The following PTPRD variants were observed in gnomAD, a reference collection of about 807,000 sequenced individuals.
The protein encoded by PTPRD is receptor-type tyrosine-protein phosphatase delta.
Under a neutral mutation model 214.5 loss-of-function variants are expected in PTPRD, and 34 were observed. The observed-to-expected ratio is 0.16, with a 90% confidence interval of 0.12 to 0.21. The LOEUF (loss-of-function observed/expected upper bound fraction) is 0.21, where lower values mean the gene tolerates loss of function less well. Ranked by LOEUF, PTPRD falls within the 10% of genes least tolerant of loss-of-function variation. The pLI is 1.00. For synonymous variants in PTPRD, 1,128 were observed against 845.7 expected (o/e 1.33, Z -5.79); for missense variants, 2,545 against 2,398.7 (o/e 1.06, Z -1.27).
At chr9:8,519,204 T>C (rs1158465945) in intron 20 of PTPRD, among the ~76,000 whole-genome samples, 1 of 152,178 alleles carries the variant, frequency 6.6e-6, no homozygotes, top group Non-Finnish European at 1.5e-5. Flanking sequence ...TTTTAAGGTA[T>C]GTTATGGTCA....
chr9:10,450,283 A>C (rs2098832114), intron 2 of PTPRD, among the ~76,000 whole-genome samples: 2 of 151,392 alleles, frequency 1.3e-5, no homozygotes, highest in South Asian at 4.2e-4. Flanking sequence ...AATAAAAATA[A>C]AAAACAAAAA....
At position 8,824,797 on chromosome 9, in the gene PTPRD, G is replaced by T. The variant is rs778709628; in HGVS notation, c.-103-90851C>A. Reference sequence around the variant, plus strand: ...CTGGTTGGTTCACAGGAATAAGCAGGGTTTGCTGAAATTGCAGAAATAAGC... The same window carrying T: ...CTGGTTGGTTCACAGGAATAAGCAGTGTTTGCTGAAATTGCAGAAATAAGC... On this transcript the variant is annotated intron_variant, in intron 11 of 45. Coordinates refer to ENST00000381196, the MANE Select transcript of PTPRD (RefSeq NM_002839.4). 2.0e-5 allele frequency among the ~76,000 whole-genome samples: 3 copies of T among 152,068 alleles called. No individual in the cohort carries two copies. The East Asian group carries it at 5.8e-4, about 29-fold the overall frequency.
intron 2 of PTPRD, among the ~76,000 whole-genome samples, chr9:10,428,104 C>T (rs1160761430): frequency 6.6e-6 from 1 of 151,908 alleles, no homozygotes; most frequent in Non-Finnish European, 1.5e-5. Context: ...CCATAAAGGT[C>T]AGGAGTTTGA....
chr9:8,933,065 C>A (rs931219695), intron 11 of PTPRD, among the ~76,000 whole-genome samples: 1 of 152,078 alleles, frequency 6.6e-6, no homozygotes, highest in African/African-American at 2.4e-5. Context: ...GTATCTGGAC[C>A]AGAGTGCACC....
chr9:8,928,556 G>A (rs2098920939), intron 11 of PTPRD, among the ~76,000 whole-genome samples: 1 of 150,604 alleles, frequency 6.6e-6, no homozygotes, highest in Admixed American at 6.6e-5. Context: ...TGGTCCGTTG[G>A]TCTATATCTC....
chr9:10,584,255 T>G (rs1007357366), intron 2 of PTPRD, among the ~76,000 whole-genome samples: 2 of 151,990 alleles, frequency 1.3e-5, no homozygotes, highest in South Asian at 4.1e-4. Flanking sequence ...TGAAAAAGCA[T>G]AAGCCTAGGA....
intron 5 of PTPRD, among the ~76,000 whole-genome samples, chr9:9,888,953 C>T (rs2072098797): frequency 6.6e-6 from 1 of 152,002 alleles, no homozygotes. Flanking sequence ...GGTATTAGCA[C>T]CCAAAAGTAT....
chr9:9,753,478 G>A (rs1189088848), intron 6 of PTPRD, among the ~76,000 whole-genome samples: 4 of 152,032 alleles, frequency 2.6e-5, no homozygotes, highest in African/African-American at 7.2e-5. Flanking sequence ...CTAATGTGGG[G>A]AGTGACTGTT....
At chr9:9,030,158 T>G (rs923012657) in intron 10 of PTPRD, among the ~76,000 whole-genome samples, 2 of 151,812 alleles carry the variant, frequency 1.3e-5, no homozygotes, top group African/African-American at 4.8e-5. Context: ...TGACATTTTA[T>G]TATTTAGCAT....
Position 9,574,797 on chromosome 9 carries a change from A to T in PTPRD, c.-286-16T>A, listed in dbSNP as rs684508. 6.6e-6 allele frequency: 1 copy of T among 151,848 alleles called. No homozygotes were observed. The highest frequency in any genetic ancestry group is 6.6e-5 in the Admixed American group (1 of 15,240). The allele number at this position is 151,848 out of a possible 1,614,324, so 9.4% of individuals were successfully genotyped here. A position where few individuals can be genotyped will look rare whatever the true frequency, so the allele number is the denominator to read the frequency against. ...ACCCTGAGACCTAGAAAAGTATAACACAAAACATTCTTTATTAGTACTAGT... is the reference window on the plus strand; with the variant it reads ...ACCCTGAGACCTAGAAAAGTATAACTCAAAACATTCTTTATTAGTACTAGT... On this transcript the variant is annotated splice_polypyrimidine_tract_variant and intron_variant, in intron 7 of 45. Coordinates refer to ENST00000381196, the MANE Select transcript of PTPRD (RefSeq NM_002839.4).
At chr9:8,454,580 C>G in intron 33 of PTPRD, 1 of 1,613,012 alleles carries the variant, frequency 6.2e-7, no homozygotes. Context: ...TATTCCTCAC[C>G]TGTCGGGTTT....
At chr9:8,772,975 G>C (rs1320295020) in intron 11 of PTPRD, among the ~76,000 whole-genome samples, 1 of 152,148 alleles carries the variant, frequency 6.6e-6, no homozygotes, top group Non-Finnish European at 1.5e-5. Context: ...TTAACCTAAA[G>C]TCAATTTTTC....
chr9:8,801,448 G>A (rs1408426414), intron 11 of PTPRD, among the ~76,000 whole-genome samples: 2 of 152,204 alleles, frequency 1.3e-5, no homozygotes, highest in African/African-American at 4.8e-5. Flanking sequence ...CAAGCACAGT[G>A]GCTCACGCCT....
Position 8,481,089 on chromosome 9 carries a change from G to C in PTPRD, c.3413+3030C>G, listed in dbSNP as rs889610719. On this transcript the variant is annotated intron_variant, in intron 30 of 45. Coordinates refer to ENST00000381196, the MANE Select transcript of PTPRD (RefSeq NM_002839.4). ...CAGAAGGCGGAGCTTGCAGTGAGCA[G>C]AGATGGCGCCACTGCACGCCGGCCT... Among the ~76,000 whole-genome samples the C allele has an allele frequency of 3.0e-5, 4 of 133,302 alleles. No individual in the cohort carries two copies. In the South Asian group the frequency reaches 9.6e-4, roughly 32 times the overall value. 87.5% of individuals were successfully genotyped at this position (133,302 alleles called of 152,430 possible). A position where few individuals can be genotyped will look rare whatever the true frequency, so the allele number is the denominator to read the frequency against.
At chr9:9,236,770 G>A (rs543405294) in intron 9 of PTPRD, among the ~76,000 whole-genome samples, 1 of 151,918 alleles carries the variant, frequency 6.6e-6, no homozygotes, top group African/African-American at 2.4e-5. Context: ...TGTGCAGGCA[G>A]CCAACCATAA....
rs201862987 is a variant in PTPRD at position 10,199,903 on chromosome 9, G to A, written c.-545+141060C>T. On this transcript the variant is annotated intron_variant, in intron 3 of 45. Transcript: ENST00000381196. ...AACACAAGTACATGGGCACTCGCGC[G>A]CACACACGCACACACACACACACAC... 6.0e-5 allele frequency among the ~76,000 whole-genome samples: 9 copies of A among 149,336 alleles called. No homozygotes were observed. In the South Asian group the frequency reaches 6.3e-4, roughly 10 times the overall value.
intron 10 of PTPRD, among the ~76,000 whole-genome samples, chr9:9,129,345 G>C (rs999216730): frequency 2.6e-5 from 4 of 152,152 alleles, no homozygotes; most frequent in Non-Finnish European, 5.9e-5. Flanking sequence ...AGCCAAGATT[G>C]TGCCACTGCA....
chr9:10,433,945 A>G (rs2098700297), intron 2 of PTPRD, among the ~76,000 whole-genome samples: 1 of 151,942 alleles, frequency 6.6e-6, no homozygotes, highest in Non-Finnish European at 1.5e-5. Context: ...AATGTAATAA[A>G]TCAATCACTA....
intron 11 of PTPRD, among the ~76,000 whole-genome samples, chr9:8,735,255 T>A (rs943344446): frequency 1.3e-5 from 2 of 150,462 alleles, no homozygotes; most frequent in African/African-American, 4.9e-5. Flanking sequence ...GTGGTTCTCC[T>A]GTCTCAGCCA....
Sources: allele counts gnomAD v4.1 joint callset (sites outside exome capture counted in the v4.1 genomes callset), GRCh38; gene constraint gnomAD v4.1.1; transcripts MANE v1.5; gene names NCBI Gene and HGNC (gene_info 2026-07-23, HGNC 2026-07-21).